C2CD3: variants seen among roughly 807,000 people sequenced by gnomAD.
C2CD3 encodes C2 domain containing 3 centriole elongation regulator.
Under a neutral mutation model 234.0 loss-of-function variants are expected in C2CD3, and 148 were observed. The ratio of observed to expected loss-of-function variants is 0.63; its 90% confidence interval spans 0.55 to 0.72. The LOEUF (loss-of-function observed/expected upper bound fraction) is 0.72, where lower values mean the gene tolerates loss of function less well. Ranked by LOEUF, C2CD3 falls within the 30% of genes least tolerant of loss-of-function variation. The probability of loss-of-function intolerance (pLI) is 0.00; values close to 1 mark genes in which losing one functional copy is unlikely to be tolerated. For synonymous variants in C2CD3, 1,000 were observed against 1,035.4 expected, an observed-to-expected ratio of 0.97 and a Z score of 0.66; for missense variants, 2,577 against 2,811.5, an observed-to-expected ratio of 0.92 and a Z score of 1.89.
At chr11:74,123,240 T>C (rs1957281714) in intron 7 of C2CD3, 105 bp from the exon 8 acceptor site, 2 of 777,422 alleles carry the variant, frequency 2.6e-6, no homozygotes, top group Non-Finnish European at 4.1e-6. Flanking sequence ...GAAGGAGATA[T>C]GTTAAACAAA....
Position 74,057,439 on chromosome 11 carries a change from T to A in C2CD3, c.5057A>T (p.Asp1686Val), listed in dbSNP as rs1954006855. 1 of 1,614,022 alleles carries A rather than the reference T, an allele frequency of 6.2e-7. No individual in the cohort carries two copies. ...CTGTTGAAAATTCCAGATGGGGGAA[T>A]CTGTGTTTTCAACCACTTGGGTGTA... ...PVYTQVVENTDSPIWNFQQQS... is the reference protein window; with the variant it reads ...PVYTQVVENTVSPIWNFQQQS... The change falls in exon 25 of 33, where the codon GAT (aspartate) becomes GTT (valine). Residue 1686 changes from aspartate to valine, a missense_variant. Transcript: ENST00000334126.
In C2CD3 at chr11:74,168,541, A is replaced by G. The variant is rs774746175; in HGVS notation, c.128T>C (p.Leu43Pro). 6.2e-7 allele frequency: 1 copy of G among 1,614,188 alleles called. No individual in the cohort carries two copies. The highest frequency in any genetic ancestry group is 1.1e-5 in the South Asian group (1 of 91,084). The change falls in exon 2 of 33, where the codon CTT (leucine) becomes CCT (proline). Residue 43 changes from leucine (L) to proline (P), a missense_variant. Coordinates refer to ENST00000334126, the MANE Select transcript of C2CD3 (RefSeq NM_001286577.2). The part of the protein sequence containing the change: ...VEGQLRCFLK[L>P]TVNRVIWKIA... ...CTTCCATATGACTCTATTAACAGTA[A>G]GTTTTAGAAAACAGCGTAGCTGGCC...
chr11:74,165,564 C>A (rs1856752528), intron 2 of C2CD3, among the ~76,000 whole-genome samples: 1 of 152,152 alleles, frequency 6.6e-6, no homozygotes, highest in Non-Finnish European at 1.5e-5. Context: ...TACCACACAG[C>A]TTAAGAAATA....
chr11:74,103,509 T>C lies in C2CD3; in HGVS notation c.2202A>G (p.Pro734=), dbSNP rs150836220. 7 of 1,614,208 alleles carry C rather than the reference T, an allele frequency of 4.3e-6. No homozygotes were observed. Among genetic ancestry groups the C allele is most frequent in the Non-Finnish European group, 5.9e-6 (7 of 1,180,030 alleles). The change falls in exon 14 of 33, where the codon CCA becomes CCG. Residue 734 remains proline, a synonymous_variant. Transcript: ENST00000334126. ...CAPTSPNKAL[P]ELNQDMTCTK... is the part of the protein sequence containing the mutation. ...TACAGGTCATATCTTGGTTAAGTTC[T>C]GGTAGTGCCTTATTTGGACTTGTAG...
chr11:74,078,191 T>A lies in C2CD3; in HGVS notation c.4527A>T (p.Thr1509=). The A allele has an allele frequency of 6.2e-7, 1 of 1,614,106 alleles. No homozygotes were observed. The highest frequency in any genetic ancestry group is 1.1e-5 in the South Asian group (1 of 91,082). Residue 1509 remains threonine, a synonymous_variant, in exon 23 of 33, where the codon ACA becomes ACT. Coordinates refer to ENST00000334126, the MANE Select transcript of C2CD3 (RefSeq NM_001286577.2). Reference sequence around the variant, plus strand: ...CATAGGCTGAGCCAATCCAGCTGTCTGTCTGATGGGGTCTCTCCACACTGT... The same window carrying A: ...CATAGGCTGAGCCAATCCAGCTGTCAGTCTGATGGGGTCTCTCCACACTGT... ...GNDSVERPHQ[T]DSWIGSAYVD...
At position 74,090,928 on chromosome 11, in the gene C2CD3, C is replaced by A; in HGVS notation, c.3526G>T (p.Asp1176Tyr). The change falls in exon 20 of 33, where the codon GAT (aspartate) becomes TAT (tyrosine). Residue 1176 changes from aspartate to tyrosine, a missense_variant. Physicochemically the swap from Asp to Tyr is radical, Grantham distance 160 (BLOSUM62 -3). Coordinates refer to ENST00000334126, the MANE Select transcript of C2CD3 (RefSeq NM_001286577.2). ...CTACGCCTGTACCTTAGGCCCACAT[C>A]CAGTAAACCTGAAGAATGAGGACAC... is the stretch of plus-strand genomic sequence containing the variant. ...ELRNQSSGLL[D>Y]VGLRYRRSPR... is the part of the protein sequence containing the mutation. 6.2e-7 allele frequency: 1 copy of A among 1,613,790 alleles called. No homozygotes were observed. Among genetic ancestry groups the A allele is most frequent in the Non-Finnish European group, 8.5e-7 (1 of 1,179,884 alleles).
intron 31 of C2CD3, among the ~76,000 whole-genome samples, chr11:74,029,667 T>C (rs1952444462): frequency 6.6e-6 from 1 of 152,240 alleles, no homozygotes; most frequent in South Asian, 2.1e-4. Context: ...CAGGGCTGGC[T>C]CTGAAGCATG....
intron 32 of C2CD3, among the ~76,000 whole-genome samples, chr11:74,024,928 C>T (rs1236710079): frequency 1.3e-5 from 2 of 152,120 alleles, no homozygotes; most frequent in Non-Finnish European, 2.9e-5. Context: ...ACCATGATGA[C>T]TGGTCATCCG....
At chr11:74,074,855 A>T (rs967916499) in intron 23 of C2CD3, among the ~76,000 whole-genome samples, 3 of 152,146 alleles carry the variant, frequency 2.0e-5, no homozygotes, top group African/African-American at 7.2e-5. Flanking sequence ...GGGAGACTGA[A>T]GTGGGCAAAT....
At position 74,113,813 on chromosome 11, in the gene C2CD3, C is replaced by A. The variant is rs1210837517; in HGVS notation, c.1810G>T (p.Val604Phe). Reference protein sequence around the residue: ...LGKTALITEVVRLASSKITDG... With the variant: ...LGKTALITEVFRLASSKITDG... ...GTAATTTTACTGGAGGCGAGTCGAA[C>A]AACCTCAGTGATCAAAGCTGTCTTT... Residue 604 changes from valine to phenylalanine, a missense_variant, in exon 11 of 33, where the codon GTT (valine) becomes TTT (phenylalanine). Physicochemically the swap from Val to Phe is conservative, Grantham distance 50. Coordinates refer to ENST00000334126, the MANE Select transcript of C2CD3 (RefSeq NM_001286577.2). 2 of 1,611,952 alleles carry A rather than the reference C, an allele frequency of 1.2e-6. No individual in the cohort carries two copies. Among genetic ancestry groups the A allele is most frequent in the African/African-American group, 2.7e-5 (2 of 74,684 alleles).
At chr11:74,134,361 G>C (rs1957788706) in intron 5 of C2CD3, among the ~76,000 whole-genome samples, 1 of 152,160 alleles carries the variant, frequency 6.6e-6, no homozygotes, top group African/African-American at 2.4e-5. Context: ...AGCTGGGCAT[G>C]GCAGCATGTG....
At chr11:74,027,724 AGTT>A (rs1397317516) in intron 32 of C2CD3, among the ~76,000 whole-genome samples, 7 of 152,214 alleles carry the variant, frequency 4.6e-5, no homozygotes, top group Non-Finnish European at 8.8e-5. Context: ...ACTCAAAAGC[AGTT>A]ATTATTAAGC....
chr11:74,097,697 T>C (rs1200473296), intron 16 of C2CD3, among the ~76,000 whole-genome samples: 1 of 152,236 alleles, frequency 6.6e-6, no homozygotes, highest in Non-Finnish European at 1.5e-5. Flanking sequence ...TTTGCTGGCT[T>C]ACATTTGGGA....
chr11:74,060,577 T>TA (rs1954186606), intron 24 of C2CD3, among the ~76,000 whole-genome samples: 1 of 152,106 alleles, frequency 6.6e-6, no homozygotes, highest in African/African-American at 2.4e-5. Flanking sequence ...GAAGGAAAAC[T>TA]AACAAACAGA....
chr11:74,134,018 T>C (rs1315909105), intron 5 of C2CD3, among the ~76,000 whole-genome samples: 5 of 152,186 alleles, frequency 3.3e-5, no homozygotes, highest in Non-Finnish European at 7.3e-5. Flanking sequence ...GACTTTCTGA[T>C]AGGTAAAATT....
In C2CD3 at chr11:74,077,449, A is replaced by T. The variant is rs187260583; in HGVS notation, c.4603+666T>A. Among the ~76,000 whole-genome samples the T allele has an allele frequency of 2.3e-3, 351 of 152,174 alleles. 1 individual carries two copies. Among genetic ancestry groups the T allele is most frequent in the Non-Finnish European group, 4.1e-3 (279 of 68,000 alleles). ...TTAAGCAGGCAGTGGAACTTTAAAA[A>T]CAATCTCTTTAGGGATGAGTTCATG... On this transcript the variant is annotated intron_variant, in intron 23 of 32. Transcript: ENST00000334126.
intron 30 of C2CD3, among the ~76,000 whole-genome samples, chr11:74,037,114 A>G (rs1468231603): frequency 6.6e-6 from 1 of 152,166 alleles, no homozygotes; most frequent in Non-Finnish European, 1.5e-5. Flanking sequence ...AGAGAGTGGC[A>G]CAAGTTCAAG....
intron 3 of C2CD3, among the ~76,000 whole-genome samples, chr11:74,160,961 T>C (rs1856416588): frequency 6.6e-6 from 1 of 152,184 alleles, no homozygotes. Flanking sequence ...CAAGCAATTA[T>C]TGTTCAGTAC....
At chr11:74,129,356 G>C (rs1957550854) in intron 7 of C2CD3, 1 of 170,998 alleles carries the variant, frequency 5.8e-6, no homozygotes, top group Non-Finnish European at 1.2e-5. Context: ...TCATTTCTCA[G>C]ACGGGGCGGC....
Sources: gnomAD v4.1 joint callset for allele counts (sites outside exome capture counted in the v4.1 genomes callset) on GRCh38, gnomAD v4.1.1 for gene constraint, MANE v1.5 for transcripts, NCBI Gene and HGNC (gene_info 2026-07-23, HGNC 2026-07-21) for gene names.